Variants in CLSTN2 observed in about 807,000 individuals in gnomAD.
CLSTN2 encodes calsyntenin 2, also known as calsyntenin-2.
CLSTN2 carries 48 observed loss-of-function variants against 101.2 expected under a neutral mutation model. The observed-to-expected ratio is 0.47, with a 90% CI of 0.38 to 0.60. The LOEUF (loss-of-function observed/expected upper bound fraction) is 0.60, where lower values mean the gene tolerates loss of function less well. Ranked by LOEUF, CLSTN2 falls within the 20% of genes least tolerant of loss-of-function variation. The pLI, the probability that CLSTN2 is intolerant of heterozygous loss-of-function variation, is 0.00. For missense variants in CLSTN2, 1,160 were observed against 1,238.2 expected, an observed-to-expected ratio of 0.94 and a Z score of 0.95; for synonymous variants, 481 against 463.6, an observed-to-expected ratio of 1.04 and a Z score of -0.48.
intron 2 of CLSTN2, among the ~76,000 whole-genome samples, chr3:140,248,669 C>G (rs1433621453): frequency 6.6e-6 from 1 of 152,212 alleles, no homozygotes; most frequent in Non-Finnish European, 1.5e-5. Context: ...GTAACAACAA[C>G]TCTACCAGTT....
chr3:140,203,100 G>T (rs2010738820), intron 2 of CLSTN2, among the ~76,000 whole-genome samples: 1 of 152,198 alleles, frequency 6.6e-6, no homozygotes, highest in African/African-American at 2.4e-5. Flanking sequence ...ATTGGAATGT[G>T]TCGTGGGCAA....
At chr3:140,545,595 A>T (rs1347031401) in intron 9 of CLSTN2, among the ~76,000 whole-genome samples, 1 of 152,238 alleles carries the variant, frequency 6.6e-6, no homozygotes, top group Non-Finnish European at 1.5e-5. Flanking sequence ...AGATGGAAGG[A>T]GCCTGTGCTC....
chr3:140,555,543 T>C (rs1409873711), intron 10 of CLSTN2, among the ~76,000 whole-genome samples: 3 of 152,198 alleles, frequency 2.0e-5, no homozygotes, highest in Non-Finnish European at 4.4e-5. Context: ...CATGTGAATA[T>C]ATTATCTATT....
intron 1 of CLSTN2, among the ~76,000 whole-genome samples, chr3:140,111,017 T>C (rs1162337068): frequency 1.3e-5 from 2 of 152,084 alleles, no homozygotes; most frequent in African/African-American, 4.8e-5. Context: ...TCAACCCCAT[T>C]CTCCTATTGT....
At chr3:140,470,462 T>G (rs1933815761) in intron 8 of CLSTN2, among the ~76,000 whole-genome samples, 1 of 152,120 alleles carries the variant, frequency 6.6e-6, no homozygotes, top group South Asian at 2.1e-4. Context: ...GGCAGCCTAG[T>G]GGCAGAGCAG....
rs542742971 is a variant in CLSTN2 at position 139,953,338 on chromosome 3, C to T, written c.109+17855C>T. Reference sequence around the variant, plus strand: ...TACCTGGGTGATAAAACAATCTGTACACCACACCCCTGTGACACGCAATTT... The same window carrying T: ...TACCTGGGTGATAAAACAATCTGTATACCACACCCCTGTGACACGCAATTT... On this transcript the variant is annotated intron_variant, in intron 1 of 16. Transcript: ENST00000458420. 4.6e-5 allele frequency among the ~76,000 whole-genome samples: 7 copies of T among 152,248 alleles called. No individual in the cohort carries two copies. In the South Asian group the frequency reaches 1.5e-3, roughly 32 times the overall value.
intron 1 of CLSTN2, among the ~76,000 whole-genome samples, chr3:140,142,423 G>A (rs573619266): frequency 6.6e-6 from 1 of 152,146 alleles, no homozygotes; most frequent in Non-Finnish European, 1.5e-5. Context: ...CAGTGAGAAG[G>A]CTTCGCACCA....
At position 140,516,693 on chromosome 3, in the gene CLSTN2, G is replaced by A. The variant is rs116298345; in HGVS notation, c.1345-15631G>A. Among the ~76,000 whole-genome samples the A allele has an allele frequency of 9.4e-3, 1,436 of 152,176 alleles. 21 individuals carry two copies. The highest frequency in any genetic ancestry group is 0.032 in the African/African-American group (1,339 of 41,512). On this transcript the variant is annotated intron_variant, in intron 8 of 16. Transcript: ENST00000458420. ...GGGCCCCAATCCCTTCCAGCTTGTAGGGTTTCTGGTGAGAAATCTGCTGTT... is the reference window on the plus strand; with the variant it reads ...GGGCCCCAATCCCTTCCAGCTTGTAAGGTTTCTGGTGAGAAATCTGCTGTT...
chr3:139,965,942 T>A (rs1227538801), intron 1 of CLSTN2, among the ~76,000 whole-genome samples: 1 of 152,218 alleles, frequency 6.6e-6, no homozygotes, highest in African/African-American at 2.4e-5. Flanking sequence ...GATGTTAGCC[T>A]ATTGAAATAG....
Position 140,145,537 on chromosome 3 carries a change from T to C in CLSTN2, c.110-30414T>C, listed in dbSNP as rs554147834. Among the ~76,000 whole-genome samples the C allele has an allele frequency of 2.6e-5, 4 of 152,344 alleles. No individual in the cohort carries two copies. The East Asian group carries it at 5.8e-4, about 22-fold the overall frequency. On this transcript the variant is annotated intron_variant, in intron 1 of 16. Transcript: ENST00000458420. The stretch of plus-strand genomic sequence containing the variant: ...TGGAATAAGAAGATTCCCAAGGGAT[T>C]ACTTAGAAGAAATTTCTCTTGACCA...
At chr3:140,112,152 C>T (rs1350591330) in intron 1 of CLSTN2, among the ~76,000 whole-genome samples, 2 of 152,172 alleles carry the variant, frequency 1.3e-5, no homozygotes, top group Admixed American at 1.3e-4. Flanking sequence ...CATTCATTTC[C>T]TGCTTAAGAA....
chr3:139,972,500 ACT>A (rs892719365), intron 1 of CLSTN2, among the ~76,000 whole-genome samples: 26 of 151,998 alleles, frequency 1.7e-4, no homozygotes, highest in Non-Finnish European at 3.5e-4. Context: ...TGGACTAAAC[ACT>A]CTGCTCCATC....
chr3:139,999,235 T>C (rs553287558), intron 1 of CLSTN2, among the ~76,000 whole-genome samples: 1 of 152,348 alleles, frequency 6.6e-6, no homozygotes, highest in South Asian at 2.1e-4. Flanking sequence ...TACATGGGAA[T>C]ATTGTGTGAT....
At chr3:140,025,323 A>G (rs1319713295) in intron 1 of CLSTN2, among the ~76,000 whole-genome samples, 1 of 152,236 alleles carries the variant, frequency 6.6e-6, no homozygotes, top group Non-Finnish European at 1.5e-5. Flanking sequence ...GGAAGTTCAG[A>G]AAGCTGATTC....
At chr3:140,383,466 C>A (rs748148080) in intron 2 of CLSTN2, among the ~76,000 whole-genome samples, 1 of 152,204 alleles carries the variant, frequency 6.6e-6, no homozygotes, top group Non-Finnish European at 1.5e-5. Flanking sequence ...TGCCAAACAG[C>A]TGATAAATTT....
intron 1 of CLSTN2, among the ~76,000 whole-genome samples, chr3:140,032,332 C>CTT (rs982523156): frequency 1.2e-3 from 150 of 120,340 alleles, no homozygotes; most frequent in Middle Eastern, 4.6e-3. Context: ...CTAACAAGTA[C>CTT]TTTTTTTTTT....
chr3:140,053,311 A>C (rs1323809496), intron 1 of CLSTN2, among the ~76,000 whole-genome samples: 1 of 152,176 alleles, frequency 6.6e-6, no homozygotes, highest in South Asian at 2.1e-4. Flanking sequence ...GATGTAATTG[A>C]ATTTGTATAC....
At chr3:140,087,489 A>G (rs1461518883) in intron 1 of CLSTN2, among the ~76,000 whole-genome samples, 1 of 152,218 alleles carries the variant, frequency 6.6e-6, no homozygotes, top group Non-Finnish European at 1.5e-5. Context: ...ACCTCCTAGC[A>G]TCTTTCTCTT....
chr3:140,341,839 T>C (rs893199782), intron 2 of CLSTN2, among the ~76,000 whole-genome samples: 1 of 152,202 alleles, frequency 6.6e-6, no homozygotes, highest in African/African-American at 2.4e-5. Flanking sequence ...TTAGTGAATA[T>C]ATATTTTATA....
Sources: allele counts gnomAD v4.1 joint callset (sites outside exome capture counted in the v4.1 genomes callset), GRCh38; gene constraint gnomAD v4.1.1; transcripts MANE v1.5; gene names NCBI Gene and HGNC (gene_info 2026-07-23, HGNC 2026-07-21).